Variants in KCNQ3 observed in about 807,000 individuals in gnomAD.
The protein encoded by KCNQ3 is potassium voltage-gated channel subfamily Q member 3.
KCNQ3 carries 30 observed loss-of-function variants against 92.5 expected under a neutral mutation model. The observed-to-expected ratio is 0.32, with a 90% CI of 0.24 to 0.44. KCNQ3 has a LOEUF of 0.44. KCNQ3 is among the 20% of genes least tolerant of loss of function. The pLI is 1.00. For synonymous variants in KCNQ3, 450 were observed against 468.8 expected (o/e 0.96, Z 0.52); for missense variants, 913 against 1,140.3 (o/e 0.80, Z 2.87).
chr8:132,226,232 G>T (rs10091437), intron 1 of KCNQ3, among the ~76,000 whole-genome samples: 1,908 of 150,818 alleles, frequency 0.013, 18 homozygotes, highest in South Asian at 0.048. Flanking sequence ...GATTGCACCA[G>T]TGCACTCCAG....
intron 1 of KCNQ3, among the ~76,000 whole-genome samples, chr8:132,273,334 T>A (rs1174154074): frequency 5.3e-5 from 8 of 152,236 alleles, no homozygotes; most frequent in Non-Finnish European, 1.0e-4. Flanking sequence ...GGGGCTTGCA[T>A]CCTCTGAAGC....
chr8:132,359,371 T>C (rs1383064329), intron 1 of KCNQ3, among the ~76,000 whole-genome samples: 1 of 152,180 alleles, frequency 6.6e-6, no homozygotes, highest in Non-Finnish European at 1.5e-5. Flanking sequence ...GGCTCCTTGC[T>C]CCTTCTCTCT....
At chr8:132,258,745 A>G (rs1199298026) in intron 1 of KCNQ3, among the ~76,000 whole-genome samples, 1 of 152,096 alleles carries the variant, frequency 6.6e-6, no homozygotes, top group African/African-American at 2.4e-5. Flanking sequence ...AACAAAATTC[A>G]CAAGCCCTTA....
Position 132,394,733 on chromosome 8 carries a change from G to T in KCNQ3, c.386+85414C>A, listed in dbSNP as rs148484096. ...TTCCCAGATCATGAGGCTCCTGTTT[G>T]TTAAGTAGCCTGAAGTCAGACAGGA... On this transcript the variant is annotated intron_variant, in intron 1 of 14. Transcript: ENST00000388996. 7.2e-4 allele frequency among the ~76,000 whole-genome samples: 109 copies of T among 152,288 alleles called. 1 individual carries two copies. Among genetic ancestry groups the T allele is most frequent in the African/African-American group, 2.4e-3 (101 of 41,564 alleles).
At chr8:132,317,993 A>G (rs771201773) in intron 1 of KCNQ3, among the ~76,000 whole-genome samples, 28 of 152,218 alleles carry the variant, frequency 1.8e-4, no homozygotes, top group African/African-American at 6.8e-4. Flanking sequence ...GGGTCTGCAC[A>G]GCCAGTCCCA....
intron 1 of KCNQ3, among the ~76,000 whole-genome samples, chr8:132,418,109 G>C (rs952707662): frequency 1.3e-5 from 2 of 152,164 alleles, no homozygotes; most frequent in African/African-American, 4.8e-5. Context: ...ACTGTGATTG[G>C]GAATAAGAAG....
intron 1 of KCNQ3, among the ~76,000 whole-genome samples, chr8:132,200,386 C>A (rs1827422605): frequency 6.6e-6 from 1 of 151,092 alleles, no homozygotes; most frequent in Admixed American, 6.6e-5. Context: ...GATGGTCTGG[C>A]CTATAAAGCT....
At chr8:132,227,664 C>G (rs932056220) in intron 1 of KCNQ3, among the ~76,000 whole-genome samples, 1 of 152,228 alleles carries the variant, frequency 6.6e-6, no homozygotes, top group Non-Finnish European at 1.5e-5. Flanking sequence ...GGTGACTACA[C>G]TGGCGGTGCC....
intron 8 of KCNQ3, among the ~76,000 whole-genome samples, chr8:132,165,251 C>G (rs1342738649): frequency 6.6e-6 from 1 of 152,156 alleles, no homozygotes; most frequent in East Asian, 1.9e-4. Flanking sequence ...GTCACAACAT[C>G]CCATGAGCAC....
intron 1 of KCNQ3, among the ~76,000 whole-genome samples, chr8:132,244,270 A>G (rs1045768711): frequency 6.6e-6 from 1 of 152,198 alleles, no homozygotes; most frequent in Admixed American, 6.5e-5. Context: ...AAAACTTTAT[A>G]TCACTTGCTA....
intron 1 of KCNQ3, among the ~76,000 whole-genome samples, chr8:132,313,171 G>A (rs1817644881): frequency 6.6e-6 from 1 of 152,184 alleles, no homozygotes; most frequent in African/African-American, 2.4e-5. Context: ...GGAGAATAAA[G>A]AATATTGTGG....
chr8:132,382,676 G>A (rs1013540947), intron 1 of KCNQ3, among the ~76,000 whole-genome samples: 10 of 152,314 alleles, frequency 6.6e-5, no homozygotes, highest in African/African-American at 2.4e-4. Context: ...CCAGCTCCCA[G>A]GAGAAAGAGA....
chr8:132,370,087 T>C (rs536965264), intron 1 of KCNQ3, among the ~76,000 whole-genome samples: 1 of 152,268 alleles, frequency 6.6e-6, no homozygotes, highest in African/African-American at 2.4e-5. Context: ...CTCTCAGCAC[T>C]CTATCTAGGC....
intron 1 of KCNQ3, among the ~76,000 whole-genome samples, chr8:132,188,844 T>C (rs1827074713): frequency 6.6e-6 from 1 of 152,118 alleles, no homozygotes; most frequent in Non-Finnish European, 1.5e-5. Flanking sequence ...AGCCAAGAGG[T>C]TGGAAGGAAA....
intron 1 of KCNQ3, among the ~76,000 whole-genome samples, chr8:132,313,479 C>A (rs1376525158): frequency 6.6e-6 from 1 of 151,676 alleles, no homozygotes; most frequent in Non-Finnish European, 1.5e-5. Flanking sequence ...CCCACAATGA[C>A]TTAAATAGAG....
At chr8:132,456,202 C>G (rs1821934827) in intron 1 of KCNQ3, among the ~76,000 whole-genome samples, 1 of 152,162 alleles carries the variant, frequency 6.6e-6, no homozygotes, top group Admixed American at 6.5e-5. Context: ...AAACACAAGC[C>G]ACATTTTCAT....
At chr8:132,358,350 C>A (rs1043346221) in intron 1 of KCNQ3, among the ~76,000 whole-genome samples, 3 of 152,064 alleles carry the variant, frequency 2.0e-5, no homozygotes, top group Admixed American at 2.0e-4. Flanking sequence ...ATGCTTTAGA[C>A]CCCCTCTGGG....
intron 9 of KCNQ3, among the ~76,000 whole-genome samples, chr8:132,142,163 T>C (rs1047810644): frequency 6.6e-6 from 1 of 152,214 alleles, no homozygotes; most frequent in African/African-American, 2.4e-5. Context: ...GTATATTGTA[T>C]TTTGTTTATA....
At position 132,134,405 on chromosome 8, in the gene KCNQ3, G is replaced by C. The variant is rs375928058; in HGVS notation, c.1701-17C>G. On this transcript the variant is annotated splice_polypyrimidine_tract_variant and intron_variant, in intron 12 of 14. Coordinates refer to ENST00000388996, the MANE Select transcript of KCNQ3 (RefSeq NM_004519.4). ...ATATCTATTCTGAAAGAAACAAACA[G>C]AGCAGGGATTAAATTACACAGAGCT... 1 of 1,530,908 alleles carries C rather than the reference G, an allele frequency of 6.5e-7. No individual in the cohort carries two copies. 94.8% of individuals were successfully genotyped at this position (1,530,908 alleles called of 1,614,324 possible). A position where few individuals can be genotyped will look rare whatever the true frequency, so the allele number is the denominator to read the frequency against.
Sources: allele counts gnomAD v4.1 joint callset (sites outside exome capture counted in the v4.1 genomes callset), GRCh38; gene constraint gnomAD v4.1.1; transcripts MANE v1.5; gene names NCBI Gene and HGNC (gene_info 2026-07-23, HGNC 2026-07-21).